Variants in IQGAP2 observed in about 807,000 individuals in gnomAD.
IQGAP2 encodes the protein ras GTPase-activating-like protein IQGAP2.
A neutral mutation model predicts 201.3 loss-of-function variants in IQGAP2; 173 were observed. That is an observed-to-expected ratio of 0.86 (90% CI 0.76 to 0.98). The LOEUF is 0.98. Among genes scored for constraint, IQGAP2 ranks in the 50% least tolerant of loss-of-function variants. The pLI is 0.00. For synonymous variants in IQGAP2, 675 were observed against 673.9 expected, an observed-to-expected ratio of 1.00 and a Z score of -0.03; for missense variants, 1,687 against 1,864.8, an observed-to-expected ratio of 0.90 and a Z score of 1.76.
At chr5:76,419,753 C>T (rs959248738) in intron 1 of IQGAP2, among the ~76,000 whole-genome samples, 24 of 151,542 alleles carry the variant, frequency 1.6e-4, no homozygotes, top group Non-Finnish European at 2.9e-5. Flanking sequence ...ATTCCCTTCA[C>T]TTAGCTTTAC....
At position 76,656,451 on chromosome 5, in the gene IQGAP2, G is replaced by A. The variant is rs145370595; in HGVS notation, c.2320+1448G>A. Among the ~76,000 whole-genome samples, 1,456 of 151,960 alleles carry A rather than the reference G, an allele frequency of 9.6e-3. 22 individuals are homozygous for A. The highest frequency in any genetic ancestry group is 0.033 in the African/African-American group (1,358 of 41,434). On this transcript the variant is annotated intron_variant, in intron 20 of 35. Transcript: ENST00000274364. ...CCGCCTCGGCCTCCCAAAATGCTGG[G>A]ATTACAGGCATGAGCCACTGCGCCC...
chr5:76,679,367 T>A (rs1745090886), intron 28 of IQGAP2, among the ~76,000 whole-genome samples: 1 of 152,222 alleles, frequency 6.6e-6, no homozygotes, highest in Non-Finnish European at 1.5e-5. Context: ...TGGAATTCCT[T>A]CCTGTGTTAG....
At chr5:76,690,446 G>A (rs1446089568) in intron 30 of IQGAP2, among the ~76,000 whole-genome samples, 2 of 152,150 alleles carry the variant, frequency 1.3e-5, no homozygotes, top group African/African-American at 2.4e-5. Context: ...TGCCACATTT[G>A]TACAATCAGG....
intron 1 of IQGAP2, among the ~76,000 whole-genome samples, chr5:76,436,916 C>T (rs915317665): frequency 6.6e-6 from 1 of 151,484 alleles, no homozygotes; most frequent in Non-Finnish European, 1.5e-5. Context: ...GTTATACATA[C>T]ATACATACAA....
At chr5:76,455,387 A>G (rs1294365805) in intron 1 of IQGAP2, among the ~76,000 whole-genome samples, 1 of 146,966 alleles carries the variant, frequency 6.8e-6, no homozygotes, top group East Asian at 2.2e-4. Flanking sequence ...CAGGAGGCAG[A>G]GGTTGCAGTG....
chr5:76,560,383 C>T (rs1214809405), intron 2 of IQGAP2, among the ~76,000 whole-genome samples: 2 of 151,214 alleles, frequency 1.3e-5, no homozygotes, highest in Non-Finnish European at 2.9e-5. Flanking sequence ...GTTCAAACTC[C>T]TGGTCTCAAG....
intron 17 of IQGAP2, among the ~76,000 whole-genome samples, chr5:76,643,894 G>A (rs1751791035): frequency 1.3e-5 from 2 of 150,304 alleles, no homozygotes; most frequent in Admixed American, 6.7e-5. Context: ...TTGTTTTAAT[G>A]TAACCGACTG....
At chr5:76,628,466 A>G (rs1483481457) in intron 14 of IQGAP2, among the ~76,000 whole-genome samples, 1 of 152,242 alleles carries the variant, frequency 6.6e-6, no homozygotes, top group Non-Finnish European at 1.5e-5. Context: ...GGTTCAAATG[A>G]TAAAATTGTT....
At chr5:76,650,847 C>T (rs531481245) in intron 17 of IQGAP2, among the ~76,000 whole-genome samples, 2 of 152,256 alleles carry the variant, frequency 1.3e-5, no homozygotes, top group South Asian at 2.1e-4. Flanking sequence ...AGCTGTTCCC[C>T]CTATTAGTGA....
intron 15 of IQGAP2, among the ~76,000 whole-genome samples, chr5:76,635,935 A>G (rs187480975): frequency 6.6e-6 from 1 of 152,292 alleles, no homozygotes; most frequent in East Asian, 1.9e-4. Flanking sequence ...TTGACTGTAC[A>G]ATGTATTTTC....
chr5:76,680,547 C>T (rs1264113256), intron 28 of IQGAP2, among the ~76,000 whole-genome samples: 1 of 151,918 alleles, frequency 6.6e-6, no homozygotes, highest in Non-Finnish European at 1.5e-5. Flanking sequence ...TGAGGCTAGA[C>T]GTGGTGGCTG....
Position 76,565,054 on chromosome 5 carries a change from A to C in IQGAP2, c.303+2502A>C, listed in dbSNP as rs944431311. ...TTGAGTGATTTGCCATGTAATCATA[A>C]AATCTTATTTTAGCGCCTTTTCATC... is the stretch of plus-strand genomic sequence containing the variant. On this transcript the variant is annotated intron_variant, in intron 3 of 35. Coordinates refer to ENST00000274364, the MANE Select transcript of IQGAP2 (RefSeq NM_006633.5). Among the ~76,000 whole-genome samples, 51 of 152,254 alleles carry C rather than the reference A, an allele frequency of 3.3e-4. 1 individual carries two copies. Among genetic ancestry groups the C allele is most frequent in the Non-Finnish European group, 1.0e-4 (7 of 68,042 alleles).
intron 1 of IQGAP2, among the ~76,000 whole-genome samples, chr5:76,422,126 G>A (rs1429513937): frequency 6.6e-6 from 1 of 152,196 alleles, no homozygotes; most frequent in African/African-American, 2.4e-5. Flanking sequence ...TTTTACAGGA[G>A]GTGGCATCTA....
chr5:76,662,201 G>A (rs1200989294), intron 21 of IQGAP2, among the ~76,000 whole-genome samples: 1 of 152,160 alleles, frequency 6.6e-6, no homozygotes, highest in African/African-American at 2.4e-5. Context: ...TTGCTGTGCC[G>A]GGCTCTGTCC....
chr5:76,421,696 T>G (rs1751739363), intron 1 of IQGAP2, among the ~76,000 whole-genome samples: 1 of 152,166 alleles, frequency 6.6e-6, no homozygotes, highest in African/African-American at 2.4e-5. Context: ...AGGGTCACAG[T>G]TTTTCATTTA....
At chr5:76,619,549 C>T (rs1334531743) in intron 13 of IQGAP2, among the ~76,000 whole-genome samples, 1 of 134,276 alleles carries the variant, frequency 7.4e-6, no homozygotes, top group Non-Finnish European at 1.5e-5. Flanking sequence ...GACAGTCTCA[C>T]TCTGTCGCCC....
At chr5:76,599,012 G>A (rs1171961163) in intron 10 of IQGAP2, among the ~76,000 whole-genome samples, 1 of 152,132 alleles carries the variant, frequency 6.6e-6, no homozygotes, top group Non-Finnish European at 1.5e-5. Context: ...ATGTATATAT[G>A]AATTTAAAAT....
intron 2 of IQGAP2, among the ~76,000 whole-genome samples, chr5:76,471,376 A>AACAAC (rs1554059003): frequency 0.13 from 18,134 of 144,806 alleles, 1,586 homozygotes; most frequent in Middle Eastern, 0.21. Flanking sequence ...AAAAAAAAAA[A>AACAAC]AAAAAAAAAA....
intron 2 of IQGAP2, among the ~76,000 whole-genome samples, chr5:76,526,752 AC>A (rs1171354829): frequency 6.6e-6 from 1 of 152,152 alleles, no homozygotes; most frequent in African/African-American, 2.4e-5. Flanking sequence ...TGTAACTACT[AC>A]ACCTGCAGAG....
Sources: gnomAD v4.1 joint callset for allele counts (sites outside exome capture counted in the v4.1 genomes callset) on GRCh38, gnomAD v4.1.1 for gene constraint, MANE v1.5 for transcripts, NCBI Gene and HGNC (gene_info 2026-07-23, HGNC 2026-07-21) for gene names.